The following MOCOS variants were observed in gnomAD, a reference collection of about 807,000 sequenced individuals.
MOCOS encodes the protein human molybdenum cofactor sulfurase.
In MOCOS, 86 loss-of-function variants were observed where a neutral mutation model predicts 83.6. That is an observed-to-expected ratio of 1.03 (90% CI 0.86 to 1.23). The LOEUF is 1.23. MOCOS is among the 50% of genes most tolerant of loss of function. The pLI is 0.00. For missense variants in MOCOS, 1,120 were observed against 1,126.9 expected, an observed-to-expected ratio of 0.99 and a Z score of 0.09; for synonymous variants, 445 against 434.7, an observed-to-expected ratio of 1.02 and a Z score of -0.29.
At chr18:36,230,770 G>A (rs1312535402) in intron 9 of MOCOS, among the ~76,000 whole-genome samples, 1 of 152,196 alleles carries the variant, frequency 6.6e-6, no homozygotes, top group Admixed American at 6.5e-5. Context: ...GCACTGCACT[G>A]TGGGCCAGGT....
At chr18:36,225,437 A>C (rs1485210956) in intron 9 of MOCOS, among the ~76,000 whole-genome samples, 1 of 152,234 alleles carries the variant, frequency 6.6e-6, no homozygotes. Flanking sequence ...AGCGTGAGCC[A>C]CTGTGCCCGG....
Position 36,251,209 on chromosome 18 carries a change from T to C in MOCOS, c.2090T>C (p.Phe697Ser). The C allele has an allele frequency of 6.2e-7, 1 of 1,613,918 alleles. No individual in the cohort carries two copies. The highest frequency in any genetic ancestry group is 1.1e-5 in the South Asian group (1 of 91,068). ...AAAATTTCAAGCTGGTTGTCAACAT[T>C]TTTTGGCCGTCCTTGTCATTTGATC... ...GEKISSWLST[F>S]FGRPCHLIKQ... The change falls in exon 11 of 15, where the codon TTT becomes TCT. Residue 697 changes from phenylalanine (F) to serine (S), a missense_variant. By Grantham distance (155) the Phe-to-Ser change is radical. Coordinates refer to ENST00000261326, the MANE Select transcript of MOCOS (RefSeq NM_017947.4).
intron 9 of MOCOS, among the ~76,000 whole-genome samples, chr18:36,231,134 T>C (rs527300454): frequency 2.0e-5 from 3 of 152,318 alleles, no homozygotes; most frequent in South Asian, 4.1e-4. Context: ...AAAATTTTTA[T>C]CATGACTAAA....
chr18:36,241,715 A>G (rs1285323439), intron 9 of MOCOS, among the ~76,000 whole-genome samples: 1 of 152,190 alleles, frequency 6.6e-6, no homozygotes, highest in Non-Finnish European at 1.5e-5. Flanking sequence ...CCCTGTGCAG[A>G]CTTCTGTCTG....
chr18:36,231,930 T>C (rs1162873137), intron 9 of MOCOS, among the ~76,000 whole-genome samples: 1 of 152,194 alleles, frequency 6.6e-6, no homozygotes, highest in Non-Finnish European at 1.5e-5. Flanking sequence ...ACTTCCTTGA[T>C]CCAACCAAAT....
At chr18:36,254,388 A>G (rs1421393590) in intron 11 of MOCOS, among the ~76,000 whole-genome samples, 1 of 151,508 alleles carries the variant, frequency 6.6e-6, no homozygotes, top group Non-Finnish European at 1.5e-5. Flanking sequence ...GTAGAATCTC[A>G]ATACTGCAGC....
chr18:36,215,397 T>C (rs986808904), intron 7 of MOCOS, 119 bp from the exon 8 acceptor site: 3 of 915,596 alleles, frequency 3.3e-6, no homozygotes, highest in Non-Finnish European at 5.2e-6. Context: ...CATATTAATG[T>C]TGCAGTTCTG....
chr18:36,260,133 A>G lies in MOCOS; in HGVS notation c.2367A>G (p.Glu789=). 6.2e-7 allele frequency: 1 copy of G among 1,614,218 alleles called. No individual in the cohort carries two copies. The highest frequency in any genetic ancestry group is 1.3e-5 in the African/African-American group (1 of 75,058). ...IIINGKRAFE[E]EKWDEISIGS... ...TCAATGGAAAAAGGGCTTTTGAAGAAGAGAAATGGGATGAGATTTCAATTG... is the reference window on the plus strand; with the variant it reads ...TCAATGGAAAAAGGGCTTTTGAAGAGGAGAAATGGGATGAGATTTCAATTG... Residue 789 remains glutamate, a synonymous_variant, in exon 13 of 15, where the codon GAA becomes GAG. Coordinates refer to ENST00000261326, the MANE Select transcript of MOCOS (RefSeq NM_017947.4).
chr18:36,241,057 C>G (rs1398568064), intron 9 of MOCOS, among the ~76,000 whole-genome samples: 1 of 152,196 alleles, frequency 6.6e-6, no homozygotes, highest in African/African-American at 2.4e-5. Context: ...GAGATGAACC[C>G]AGTACCTCAG....
rs1002602786 is a variant in MOCOS, at chr18:36,218,466, G to A, written c.1798-1589G>A. 3.9e-5 allele frequency among the ~76,000 whole-genome samples: 6 copies of A among 152,068 alleles called. 1 individual carries two copies. The highest frequency in any genetic ancestry group is 3.9e-4 in the Admixed American group (6 of 15,256). ...CTAGTTTCTCAGGGAGCTTTCTTCTGTGCTGAAAGACTTCTTACTTGCTAC... is the reference window on the plus strand; with the variant it reads ...CTAGTTTCTCAGGGAGCTTTCTTCTATGCTGAAAGACTTCTTACTTGCTAC... On this transcript the variant is annotated intron_variant, in intron 8 of 14. Transcript: ENST00000261326.
chr18:36,221,940 G>A (rs999567548), intron 9 of MOCOS, among the ~76,000 whole-genome samples: 1 of 152,050 alleles, frequency 6.6e-6, no homozygotes, highest in African/African-American at 2.4e-5. Flanking sequence ...GGTAAGGCTG[G>A]TCTCGAACTC....
At chr18:36,235,322 C>A (rs1288818698) in intron 9 of MOCOS, among the ~76,000 whole-genome samples, 1 of 129,898 alleles carries the variant, frequency 7.7e-6, no homozygotes. Context: ...TGATGTTCCC[C>A]TTCCTGTGTC....
At chr18:36,206,735 A>G (rs1407954172) in intron 6 of MOCOS, among the ~76,000 whole-genome samples, 1 of 152,092 alleles carries the variant, frequency 6.6e-6, no homozygotes, top group Non-Finnish European at 1.5e-5. Flanking sequence ...GGGAACATGC[A>G]GTATTTAGGT....
rs532329536 is a variant in MOCOS, at chr18:36,230,930, C to T, written c.1960+10713C>T. On this transcript the variant is annotated intron_variant, in intron 9 of 14. Transcript: ENST00000261326. ...GTACCTTTCTTTTTCATTTTTATTTCTGTTAATTTTTGTCTTACTGCATTT... is the reference window on the plus strand; with the variant it reads ...GTACCTTTCTTTTTCATTTTTATTTTTGTTAATTTTTGTCTTACTGCATTT... Among the ~76,000 whole-genome samples the T allele has an allele frequency of 5.9e-5, 9 of 152,156 alleles. No homozygotes were observed. In the South Asian group the frequency reaches 1.9e-3, roughly 32 times the overall value.
In MOCOS at chr18:36,191,020, C is replaced by CAAAA. The variant is rs113481286; in HGVS notation, c.142+3347_142+3350dup. Among the ~76,000 whole-genome samples the CAAAA allele has an allele frequency of 1.5e-3, 119 of 81,416 alleles. 9 individuals are homozygous for CAAAA. Among genetic ancestry groups the CAAAA allele is most frequent in the African/African-American group, 3.2e-3 (78 of 24,608 alleles). The allele number at this position is 81,416 out of a possible 152,430, so 53.4% of individuals were successfully genotyped here. ...GGTGGCAGAGCAAGACCCTATCTCT[C>CAAAA]AAAAAAAAAAAGAAAAAGAAAAAAA... On this transcript the variant is annotated intron_variant, in intron 1 of 14. Coordinates refer to ENST00000261326, the MANE Select transcript of MOCOS (RefSeq NM_017947.4).
At chr18:36,263,927 A>G (rs972608869) in intron 13 of MOCOS, among the ~76,000 whole-genome samples, 7 of 152,130 alleles carry the variant, frequency 4.6e-5, no homozygotes, top group African/African-American at 1.7e-4. Context: ...CTATAATCCC[A>G]GCACTTTGGG....
intron 4 of MOCOS, among the ~76,000 whole-genome samples, chr18:36,201,674 A>AAAAAAAAAAAAAAAAG (rs1205619664): frequency 3.3e-4 from 49 of 147,912 alleles, no homozygotes; most frequent in African/African-American, 1.3e-3. Context: ...AAAAAAAAAA[A>AAAAAAAAAAAAAAAAG]AAAAAGAAAT....
In MOCOS at chr18:36,269,390, C is replaced by T. The variant is rs774556659; in HGVS notation, c.*705C>T. 9.2e-5 allele frequency: 14 copies of T among 152,600 alleles called. No homozygotes were observed. Among genetic ancestry groups the T allele is most frequent in the Non-Finnish European group, 1.6e-4 (11 of 68,394 alleles). 9.5% of individuals were successfully genotyped at this position (152,600 alleles called of 1,614,324 possible). A position where few individuals can be genotyped will look rare whatever the true frequency, so the allele number is the denominator to read the frequency against. On this transcript the variant is annotated 3_prime_UTR_variant, in exon 15 of 15. Coordinates refer to ENST00000261326, the MANE Select transcript of MOCOS (RefSeq NM_017947.4). Reference sequence around the variant, plus strand: ...TGTGCTTATGCAGGTTGTCATCCTCCCCTCCACAAGCCCACAGGATGGTGT... The same window carrying T: ...TGTGCTTATGCAGGTTGTCATCCTCTCCTCCACAAGCCCACAGGATGGTGT...
At chr18:36,231,992 G>A (rs1329702938) in intron 9 of MOCOS, among the ~76,000 whole-genome samples, 1 of 151,934 alleles carries the variant, frequency 6.6e-6, no homozygotes, top group South Asian at 2.1e-4. Flanking sequence ...TTTGAGACAC[G>A]TTCTCACTGT....
Sources: allele counts gnomAD v4.1 joint callset (sites outside exome capture counted in the v4.1 genomes callset), GRCh38; gene constraint gnomAD v4.1.1; transcripts MANE v1.5; gene names NCBI Gene and HGNC (gene_info 2026-07-23, HGNC 2026-07-21).